The following DSCAM variants were observed in gnomAD, a reference collection of about 807,000 sequenced individuals.
DSCAM encodes the protein cell adhesion molecule DSCAM.
DSCAM carries 47 observed loss-of-function variants against 217.7 expected under a neutral mutation model. The observed-to-expected ratio is 0.22, with a 90% confidence interval of 0.17 to 0.28. The LOEUF (loss-of-function observed/expected upper bound fraction) is 0.28. Among genes scored for constraint, DSCAM ranks in the 10% least tolerant of loss-of-function variants. DSCAM has a pLI of 1.00. For synonymous variants in DSCAM, 1,056 were observed against 1,015.3 expected (o/e 1.04, Z -0.76); for missense variants, 2,080 against 2,618.3 (o/e 0.79, Z 4.49).
intron 21 of DSCAM, among the ~76,000 whole-genome samples, chr21:40,088,616 G>T (rs932991116): frequency 2.0e-5 from 3 of 152,186 alleles, no homozygotes; most frequent in African/African-American, 7.2e-5. Context: ...GTATTCTAAG[G>T]CAGGGCCCAT....
intron 3 of DSCAM, among the ~76,000 whole-genome samples, chr21:40,622,878 A>AG (rs2089541072): frequency 6.6e-6 from 1 of 152,018 alleles, no homozygotes; most frequent in Admixed American, 6.6e-5. Context: ...ATACAAAAAA[A>AG]AAAAAAATCA....
rs145125196 is a variant in DSCAM, at chr21:40,792,178, G to A, written c.43+54441C>T. ...TTTTTTGAGACAGAGTCTCACTGTT[G>A]CCCGGGCTGGAGTGCAGTGGCGCCA... On this transcript the variant is annotated intron_variant, in intron 1 of 32. Transcript: ENST00000400454. Among the ~76,000 whole-genome samples the A allele has an allele frequency of 0.015, 1,864 of 123,158 alleles. 84 individuals carry two copies. The East Asian group carries it at 0.18, about 12-fold the overall frequency. The allele number at this position is 123,158 out of a possible 152,430, so 80.8% of individuals were successfully genotyped here.
At chr21:40,129,615 G>A (rs946542015) in intron 19 of DSCAM, among the ~76,000 whole-genome samples, 2 of 152,148 alleles carry the variant, frequency 1.3e-5, no homozygotes, top group African/African-American at 4.8e-5. Context: ...ATCTCTTCTA[G>A]GACATCTTGT....
chr21:40,176,927 C>T (rs1601411450), intron 15 of DSCAM, among the ~76,000 whole-genome samples: 1 of 152,168 alleles, frequency 6.6e-6, no homozygotes, highest in Non-Finnish European at 1.5e-5. Flanking sequence ...ACAGAGGAAA[C>T]GAAGAAAAAA....
In DSCAM at chr21:40,495,862, T is replaced by C. The variant is rs368511256; in HGVS notation, c.509-126617A>G. Among the ~76,000 whole-genome samples, 72 of 152,108 alleles carry C rather than the reference T, an allele frequency of 4.7e-4. 1 individual carries two copies. The South Asian group carries it at 0.014, about 29-fold the overall frequency. ...GAATACAAAATCAACACATAAAAAG[T>C]AGTAGAATATTTATACTCTAACAAT... On this transcript the variant is annotated intron_variant, in intron 3 of 32. Transcript: ENST00000400454.
chr21:40,478,310 A>G (rs552213814), intron 3 of DSCAM, among the ~76,000 whole-genome samples: 1 of 152,290 alleles, frequency 6.6e-6, no homozygotes, highest in South Asian at 2.1e-4. Context: ...AACACTGTAT[A>G]TGCCTGTGTG....
chr21:40,409,745 T>G (rs1431922874), intron 3 of DSCAM, among the ~76,000 whole-genome samples: 1 of 152,190 alleles, frequency 6.6e-6, no homozygotes, highest in Non-Finnish European at 1.5e-5. Flanking sequence ...TAATATTACC[T>G]TAGTAAGGGA....
At position 40,030,004 on chromosome 21, in the gene DSCAM, ACACACATGCGTG is replaced by A. The variant is rs376304761; in HGVS notation, c.5686+12355_5686+12366del. 2.0e-3 allele frequency among the ~76,000 whole-genome samples: 308 copies of A among 152,374 alleles called. 3 individuals are homozygous for A. Among genetic ancestry groups the A allele is most frequent in the African/African-American group, 6.9e-3 (289 of 41,598 alleles). On this transcript the variant is annotated intron_variant, in intron 32 of 32. Transcript: ENST00000400454. Reference sequence around the variant, plus strand: ...TTGATGCCTACACGTGTGCTTGCGCACACACATGCGTGCACACATACACATTCACACACAAGT... The same window carrying A: ...TTGATGCCTACACGTGTGCTTGCGCACACACATACACATTCACACACAAGT...
At chr21:40,679,197 T>C (rs1490941439) in intron 3 of DSCAM, among the ~76,000 whole-genome samples, 1 of 152,114 alleles carries the variant, frequency 6.6e-6, no homozygotes, top group Admixed American at 6.5e-5. Flanking sequence ...TATTAAAGCA[T>C]TAAGAAGAAT....
At chr21:40,108,252 T>G (rs538893971) in intron 20 of DSCAM, among the ~76,000 whole-genome samples, 9 of 152,290 alleles carry the variant, frequency 5.9e-5, no homozygotes, top group Admixed American at 5.9e-4. Flanking sequence ...TGATTCCATA[T>G]CTAGAAAATG....
At chr21:40,322,463 A>G (rs1207102243) in intron 8 of DSCAM, among the ~76,000 whole-genome samples, 2 of 152,172 alleles carry the variant, frequency 1.3e-5, no homozygotes, top group African/African-American at 2.4e-5. Context: ...GTACACTGTA[A>G]TATTTCTCAT....
At chr21:40,019,545 T>A (rs942299554) in intron 32 of DSCAM, among the ~76,000 whole-genome samples, 4 of 152,228 alleles carry the variant, frequency 2.6e-5, no homozygotes, top group African/African-American at 9.6e-5. Flanking sequence ...TTCTTGGGTG[T>A]GTCTGGTACT....
intron 21 of DSCAM, among the ~76,000 whole-genome samples, chr21:40,088,132 C>T (rs1341681916): frequency 3.3e-5 from 5 of 152,108 alleles, no homozygotes; most frequent in Non-Finnish European, 5.9e-5. Context: ...CTTCTCCTGT[C>T]CTTTGTTTTA....
chr21:40,667,634 G>A (rs1194359799), intron 3 of DSCAM, among the ~76,000 whole-genome samples: 1 of 151,682 alleles, frequency 6.6e-6, no homozygotes, highest in African/African-American at 2.4e-5. Flanking sequence ...AATCATGGGG[G>A]CAGTTACCCC....
chr21:40,235,646 T>C (rs1362777679), intron 11 of DSCAM, among the ~76,000 whole-genome samples: 2 of 152,062 alleles, frequency 1.3e-5, no homozygotes, highest in Non-Finnish European at 2.9e-5. Flanking sequence ...TCTCCACCCC[T>C]TAGGATCACC....
At chr21:40,046,878 C>CT (rs1256350643) in intron 30 of DSCAM, among the ~76,000 whole-genome samples, 1 of 151,804 alleles carries the variant, frequency 6.6e-6, no homozygotes, top group Non-Finnish European at 1.5e-5. Context: ...GCTCACTCTC[C>CT]AATGGTGGGG....
chr21:40,650,520 C>T (rs1163387342), intron 3 of DSCAM, among the ~76,000 whole-genome samples: 4 of 152,216 alleles, frequency 2.6e-5, no homozygotes, highest in Non-Finnish European at 5.9e-5. Flanking sequence ...CGTGGGCTGG[C>T]GTCGTCCAGT....
intron 30 of DSCAM, among the ~76,000 whole-genome samples, chr21:40,048,978 A>G (rs2088885844): frequency 6.6e-6 from 1 of 152,116 alleles, no homozygotes; most frequent in Admixed American, 6.6e-5. Flanking sequence ...AATGAAAAAA[A>G]TGATCCAGCA....
chr21:40,804,772 G>A (rs1292401254), intron 1 of DSCAM, among the ~76,000 whole-genome samples: 2 of 152,088 alleles, frequency 1.3e-5, no homozygotes, highest in Non-Finnish European at 2.9e-5. Context: ...GCTCTTTAGA[G>A]ACCTCTACTA....
Sources: allele counts gnomAD v4.1 joint callset (sites outside exome capture counted in the v4.1 genomes callset), GRCh38; gene constraint gnomAD v4.1.1; transcripts MANE v1.5; gene names NCBI Gene and HGNC (gene_info 2026-07-23, HGNC 2026-07-21).